The following ROBO2 variants were observed in gnomAD, a reference collection of about 807,000 sequenced individuals.
The protein encoded by ROBO2 is roundabout guidance receptor 2.
ROBO2 carries 53 observed loss-of-function variants against 160.8 expected under a neutral mutation model. The observed-to-expected ratio is 0.33, with a 90% CI of 0.26 to 0.41. The LOEUF is 0.41. ROBO2 is among the 10% of genes least tolerant of loss of function. ROBO2 has a pLI of 1.00. For synonymous variants in ROBO2, 664 were observed against 611.7 expected (o/e 1.09, Z -1.26); for missense variants, 1,577 against 1,722.4 (o/e 0.92, Z 1.49).
At chr3:77,550,524 TTAAGTAAC>T (rs1307126809) in intron 7 of ROBO2, among the ~76,000 whole-genome samples, 1 of 152,036 alleles carries the variant, frequency 6.6e-6, no homozygotes, top group Non-Finnish European at 1.5e-5. Flanking sequence ...TTCAAAGATA[TTAAGTAAC>T]TAGCAGAAAA....
chr3:76,028,653 C>T (rs374509966), intron 2 of ROBO2, among the ~76,000 whole-genome samples: 7 of 151,728 alleles, frequency 4.6e-5, no homozygotes, highest in Non-Finnish European at 7.4e-5. Context: ...AACTATGGTG[C>T]GGTATAAAAT....
At chr3:76,050,896 T>C (rs1180681655) in intron 2 of ROBO2, among the ~76,000 whole-genome samples, 2 of 152,228 alleles carry the variant, frequency 1.3e-5, no homozygotes, top group Non-Finnish European at 2.9e-5. Context: ...ACAGTGAAGA[T>C]AGAAGATTAA....
rs2107745331 is a variant in ROBO2, at chr3:76,037,532, A to G, written c.109+99930A>G. Among the ~76,000 whole-genome samples the G allele has an allele frequency of 2.0e-5, 3 of 151,918 alleles. No individual in the cohort carries two copies. The South Asian group carries it at 6.2e-4, about 31-fold the overall frequency. On this transcript the variant is annotated intron_variant, in intron 2 of 26. Transcript: ENST00000487694. ...GGACTCCCAAAGTGCTGGGATTCGC[A>G]TGTTCATTTTCCAATCACTATTTAT...
chr3:77,344,607 C>T (rs2067428514), intron 2 of ROBO2, among the ~76,000 whole-genome samples: 1 of 152,110 alleles, frequency 6.6e-6, no homozygotes. Flanking sequence ...TTCCCAGCCA[C>T]CAGAAGGTAT....
At chr3:77,629,461 G>A (rs2095109812) in intron 23 of ROBO2, 1 of 152,058 alleles carries the variant, frequency 6.6e-6, no homozygotes, top group African/African-American at 2.4e-5. Context: ...GGTTATAGTG[G>A]AAAAAGAAAA....
At chr3:76,704,939 G>A (rs2093129247) in intron 2 of ROBO2, among the ~76,000 whole-genome samples, 1 of 152,032 alleles carries the variant, frequency 6.6e-6, no homozygotes, top group South Asian at 2.1e-4. Flanking sequence ...TCTCTTCTAA[G>A]GTCAGTAAAT....
At chr3:76,665,988 AATATATATAATATATAATATATAC>A (rs2092020118) in intron 2 of ROBO2, among the ~76,000 whole-genome samples, 1 of 122,344 alleles carries the variant, frequency 8.2e-6, no homozygotes, top group South Asian at 2.3e-4. Context: ...ATATACATGT[AATATATATAATATATAATATATAC>A]ATATTATATA....
intron 2 of ROBO2, among the ~76,000 whole-genome samples, chr3:76,483,290 G>C (rs972752105): frequency 6.7e-6 from 1 of 148,450 alleles, no homozygotes; most frequent in Non-Finnish European, 1.5e-5. Flanking sequence ...TTTTCTGTAT[G>C]TAACATGTTA....
At chr3:77,183,817 C>A (rs1156715843) in intron 2 of ROBO2, among the ~76,000 whole-genome samples, 1 of 152,004 alleles carries the variant, frequency 6.6e-6, no homozygotes, top group Non-Finnish European at 1.5e-5. Context: ...AGAGTAAGCA[C>A]CAATACATTG....
intron 1 of ROBO2, among the ~76,000 whole-genome samples, chr3:75,909,403 G>T (rs896543680): frequency 3.9e-5 from 6 of 152,242 alleles, no homozygotes; most frequent in Admixed American, 2.0e-4. Flanking sequence ...AAACTTTTTG[G>T]AGTCTCAAAT....
intron 2 of ROBO2, among the ~76,000 whole-genome samples, chr3:76,759,196 T>A (rs1477522602): frequency 6.6e-6 from 1 of 151,774 alleles, no homozygotes; most frequent in Non-Finnish European, 1.5e-5. Flanking sequence ...AGTGCTAAGG[T>A]CAAAGCTAAT....
At chr3:76,114,178 C>G (rs1487546002) in intron 2 of ROBO2, among the ~76,000 whole-genome samples, 1 of 152,186 alleles carries the variant, frequency 6.6e-6, no homozygotes, top group Admixed American at 6.5e-5. Flanking sequence ...CCTTTCATCA[C>G]TGTCGCGTTG....
intron 2 of ROBO2, among the ~76,000 whole-genome samples, chr3:76,840,650 TATA>T (rs2068159443): frequency 4.4e-5 from 1 of 22,942 alleles, no homozygotes; most frequent in African/African-American, 1.5e-4. Context: ...ATATTTTATA[TATA>T]TATATATATA....
At chr3:77,289,014 G>C (rs1217389570) in intron 2 of ROBO2, among the ~76,000 whole-genome samples, 1 of 152,140 alleles carries the variant, frequency 6.6e-6, no homozygotes, top group East Asian at 1.9e-4. Flanking sequence ...TTGGGCATTG[G>C]TGAGTTTTGT....
intron 2 of ROBO2, among the ~76,000 whole-genome samples, chr3:77,350,079 A>G (rs556448223): frequency 6.6e-6 from 1 of 150,870 alleles, no homozygotes; most frequent in Admixed American, 6.6e-5. Context: ...AAAAATATAT[A>G]TATGTACACA....
intron 2 of ROBO2, among the ~76,000 whole-genome samples, chr3:76,601,904 T>C (rs1257999086): frequency 6.6e-6 from 1 of 152,186 alleles, no homozygotes; most frequent in Non-Finnish European, 1.5e-5. Context: ...GCTTCCTGTA[T>C]AAATCTAAAT....
intron 2 of ROBO2, among the ~76,000 whole-genome samples, chr3:76,577,204 T>A (rs2085364189): frequency 6.6e-6 from 1 of 152,118 alleles, no homozygotes; most frequent in Non-Finnish European, 1.5e-5. Flanking sequence ...GGTATCTTTT[T>A]TAAATGTAAA....
intron 21 of ROBO2, among the ~76,000 whole-genome samples, chr3:77,616,612 A>G (rs1337552446): frequency 6.6e-6 from 1 of 152,142 alleles, no homozygotes; most frequent in African/African-American, 2.4e-5. Flanking sequence ...GGCTGAATGT[A>G]TAAGACCACT....
chr3:77,113,953 T>C (rs4645165), intron 2 of ROBO2, among the ~76,000 whole-genome samples: 3 of 152,008 alleles, frequency 2.0e-5, no homozygotes, highest in Non-Finnish European at 4.4e-5. Context: ...TGTTTAGATA[T>C]GGAAACTGAG....
Sources: gnomAD v4.1 joint callset for allele counts (sites outside exome capture counted in the v4.1 genomes callset) on GRCh38, gnomAD v4.1.1 for gene constraint, MANE v1.5 for transcripts, NCBI Gene and HGNC (gene_info 2026-07-23, HGNC 2026-07-21) for gene names.